Variants in PPP2R2A observed in about 807,000 individuals in gnomAD.
PPP2R2A encodes the protein protein phosphatase 2 regulatory subunit Balpha.
PPP2R2A carries 9 observed loss-of-function variants against 53.2 expected under a neutral mutation model. That is an observed-to-expected ratio of 0.17 (90% CI 0.10 to 0.30). The LOEUF (loss-of-function observed/expected upper bound fraction) is 0.30. PPP2R2A is among the 10% of genes least tolerant of loss of function. PPP2R2A has a pLI of 1.00. For synonymous variants in PPP2R2A, 169 were observed against 174.2 expected, an observed-to-expected ratio of 0.97 and a Z score of 0.23; for missense variants, 235 against 534.6, an observed-to-expected ratio of 0.44 and a Z score of 5.53.
rs1459571499 is a variant in PPP2R2A, at chr8:26,338,152, CT to C, written c.83-736del. Reference sequence around the variant, plus strand: ...GAATTTTACCATGTTACTGCTCTATCTTATGCCCATTTCTGTAATTTAGACT... The same window carrying C: ...GAATTTTACCATGTTACTGCTCTATCTATGCCCATTTCTGTAATTTAGACT... On this transcript the variant is annotated intron_variant, in intron 2 of 9. Coordinates refer to ENST00000380737, the MANE Select transcript of PPP2R2A (RefSeq NM_002717.4). This position sits in a 1 kb window ranked among gnomAD's most constrained non-coding sequence, Gnocchi z 4.5. 1.4e-4 allele frequency among the ~76,000 whole-genome samples: 22 copies of C among 152,294 alleles called. No homozygotes were observed. The highest frequency in any genetic ancestry group is 1.3e-3 in the Admixed American group (20 of 15,290).
At chr8:26,351,582 T>G (rs1804516585) in intron 3 of PPP2R2A, among the ~76,000 whole-genome samples, 1 of 152,164 alleles carries the variant, frequency 6.6e-6, no homozygotes. Context: ...ACCTTCACAT[T>G]TATATCTCTT....
chr8:26,339,071 A>T, intron 3 of PPP2R2A, 84 bp downstream of exon 3: 1 of 1,024,658 alleles, frequency 9.8e-7, no homozygotes, highest in Non-Finnish European at 1.5e-6. Flanking sequence ...TCATCAGAGG[A>T]TGTTGGAATT....
In PPP2R2A at chr8:26,304,968, T is replaced by G. The variant is rs59240877; in HGVS notation, c.82+11228T>G. ...ATTAAATTTACCATCTTAACCATTT[T>G]CAAATACACTGTTCAGTAGTGTTAA... On this transcript the variant is annotated intron_variant, in intron 2 of 9. Coordinates refer to ENST00000380737, the MANE Select transcript of PPP2R2A (RefSeq NM_002717.4). 5.8e-3 allele frequency among the ~76,000 whole-genome samples: 879 copies of G among 152,308 alleles called. 4 individuals carry two copies. The highest frequency in any genetic ancestry group is 0.02 in the African/African-American group (813 of 41,560).
At chr8:26,293,597 C>T in intron 1 of PPP2R2A, 69 bp from the exon 2 acceptor site, 1 of 1,444,814 alleles carries the variant, frequency 6.9e-7, no homozygotes, top group South Asian at 1.2e-5. Flanking sequence ...ACCATGGATA[C>T]CATCTTTGTG....
At chr8:26,296,647 G>A (rs751034637) in intron 2 of PPP2R2A, among the ~76,000 whole-genome samples, 16 of 152,112 alleles carry the variant, frequency 1.1e-4, no homozygotes, top group African/African-American at 3.6e-4. Context: ...ATTTATCTTC[G>A]TACCTTATGC....
chr8:26,334,169 G>A (rs985041087), intron 2 of PPP2R2A, among the ~76,000 whole-genome samples: 1 of 152,120 alleles, frequency 6.6e-6, no homozygotes, highest in Admixed American at 6.5e-5. Flanking sequence ...GTATTAGAAT[G>A]TTCTTTTGTA....
At chr8:26,369,964 G>A (rs545155735) in intron 9 of PPP2R2A, among the ~76,000 whole-genome samples, 170 bp from the exon 10 acceptor site, 1 of 152,312 alleles carries the variant, frequency 6.6e-6, no homozygotes, top group South Asian at 2.1e-4. Flanking sequence ...CAGTTAATTA[G>A]TACCGTATTT....
chr8:26,305,114 T>C (rs1801957408), intron 2 of PPP2R2A, among the ~76,000 whole-genome samples: 1 of 152,136 alleles, frequency 6.6e-6, no homozygotes, highest in African/African-American at 2.4e-5. Context: ...ACCATTCTAC[T>C]TTCTGTTTCT....
intron 3 of PPP2R2A, chr8:26,350,599 G>T (rs1189842356): frequency 6.6e-6 from 1 of 151,648 alleles, no homozygotes; most frequent in East Asian, 1.9e-4. Flanking sequence ...TTTTTGGTAG[G>T]GATGGTCTCA....
intron 2 of PPP2R2A, among the ~76,000 whole-genome samples, chr8:26,325,286 G>A (rs1803032834): frequency 1.3e-5 from 2 of 152,002 alleles, no homozygotes; most frequent in South Asian, 4.1e-4. Context: ...CTATTCTCGT[G>A]ATAGTAAGTC....
intron 8 of PPP2R2A, chr8:26,365,805 T>C (rs1805344171): frequency 6.6e-6 from 1 of 152,242 alleles, no homozygotes. Flanking sequence ...AATAACCATA[T>C]AATTTATCAC....
chr8:26,296,509 T>G (rs924146944), intron 2 of PPP2R2A, among the ~76,000 whole-genome samples: 2 of 152,244 alleles, frequency 1.3e-5, no homozygotes, highest in Non-Finnish European at 2.9e-5. Context: ...CCTTTAACCT[T>G]TTTGCTAATT....
At chr8:26,352,171 G>C (rs1563317338) in intron 3 of PPP2R2A, among the ~76,000 whole-genome samples, 1 of 152,174 alleles carries the variant, frequency 6.6e-6, no homozygotes. Flanking sequence ...TCACAATTCT[G>C]TATGACTGTA....
At chr8:26,336,675 G>A (rs372421568) in intron 2 of PPP2R2A, among the ~76,000 whole-genome samples, 3 of 151,992 alleles carry the variant, frequency 2.0e-5, no homozygotes, top group Non-Finnish European at 2.9e-5. Context: ...CCACAAGCTC[G>A]AGACTACCTT....
chr8:26,340,954 G>A (rs1418324543), intron 3 of PPP2R2A, among the ~76,000 whole-genome samples: 1 of 152,024 alleles, frequency 6.6e-6, no homozygotes, highest in Admixed American at 6.5e-5. Context: ...AGATTCTAAA[G>A]TGCTAATATT....
intron 1 of PPP2R2A, chr8:26,292,372 A>C (rs576003546): frequency 8.3e-5 from 82 of 985,904 alleles, no homozygotes; most frequent in South Asian, 6.5e-4. Flanking sequence ...TGGAAGCCTA[A>C]ATTTTTTGTT....
Position 26,321,765 on chromosome 8 carries a change from G to A in PPP2R2A, c.83-17125G>A, listed in dbSNP as rs1053017567. ...GAGACCTTGAACGCAAGGCCCCCTG[G>A]CTAAGTCACACCTAGATTCCTGACC... On this transcript the variant is annotated intron_variant, in intron 2 of 9. Coordinates refer to ENST00000380737, the MANE Select transcript of PPP2R2A (RefSeq NM_002717.4). This position sits in a 1 kb window ranked among gnomAD's most constrained non-coding sequence, Gnocchi z 4.1. 6.6e-6 allele frequency among the ~76,000 whole-genome samples: 1 copy of A among 152,128 alleles called. No homozygotes were observed. Among genetic ancestry groups the A allele is most frequent in the Non-Finnish European group, 1.5e-5 (1 of 68,004 alleles).
Position 26,325,542 on chromosome 8 carries a change from A to T in PPP2R2A, c.83-13348A>T, listed in dbSNP as rs78004357. Among the ~76,000 whole-genome samples the T allele has an allele frequency of 2.6e-3, 391 of 152,266 alleles. 3 individuals are homozygous for T. Among genetic ancestry groups the T allele is most frequent in the African/African-American group, 9.1e-3 (380 of 41,564 alleles). ...TTTAGATGCTGTTAAATAATATTTC[A>T]TGTAAGATAAGTATCTGCCTATTAA... On this transcript the variant is annotated intron_variant, in intron 2 of 9. Coordinates refer to ENST00000380737, the MANE Select transcript of PPP2R2A (RefSeq NM_002717.4).
At chr8:26,319,795 A>G (rs1802741454) in intron 2 of PPP2R2A, among the ~76,000 whole-genome samples, 1 of 152,200 alleles carries the variant, frequency 6.6e-6, no homozygotes, top group Non-Finnish European at 1.5e-5. Context: ...ATCCATGAAC[A>G]TGGAATGTCT....
Sources: allele counts gnomAD v4.1 joint callset (sites outside exome capture counted in the v4.1 genomes callset), GRCh38; gene constraint gnomAD v4.1.1; non-coding constraint Gnocchi (gnomAD v3.1); transcripts MANE v1.5; gene names NCBI Gene and HGNC (gene_info 2026-07-23, HGNC 2026-07-21).